MACROD2: variants seen among roughly 807,000 people sequenced by gnomAD.
MACROD2 encodes ADP-ribose glycohydrolase MACROD2.
In MACROD2, 36 loss-of-function variants were observed where a neutral mutation model predicts 70.4. The observed-to-expected ratio is 0.51, with a 90% CI of 0.39 to 0.68. The LOEUF is 0.68. Ranked by LOEUF, MACROD2 falls within the 30% of genes least tolerant of loss-of-function variation. The pLI is 0.00. For synonymous variants in MACROD2, 172 were observed against 178.8 expected (o/e 0.96, Z 0.30); for missense variants, 496 against 538.4 (o/e 0.92, Z 0.78).
intron 8 of MACROD2, among the ~76,000 whole-genome samples, chr20:15,813,621 T>A (rs1015980804): frequency 2.6e-5 from 4 of 152,014 alleles, no homozygotes; most frequent in Non-Finnish European, 5.9e-5. Flanking sequence ...CTATAAAAAA[T>A]ATTAAAAATT....
At chr20:15,999,105 T>C (rs1163178271) in intron 15 of MACROD2, among the ~76,000 whole-genome samples, 1 of 152,152 alleles carries the variant, frequency 6.6e-6, no homozygotes, top group Non-Finnish European at 1.5e-5. Context: ...GATATCTTTT[T>C]TTCTTAATGT....
At chr20:15,957,333 A>G (rs1028511720) in intron 12 of MACROD2, among the ~76,000 whole-genome samples, 12 of 152,206 alleles carry the variant, frequency 7.9e-5, no homozygotes, top group Non-Finnish European at 1.6e-4. Context: ...AAAAATTATG[A>G]ATGCAACTTT....
intron 8 of MACROD2, among the ~76,000 whole-genome samples, chr20:15,821,644 T>C (rs994655947): frequency 6.6e-6 from 1 of 152,222 alleles, no homozygotes; most frequent in Non-Finnish European, 1.5e-5. Flanking sequence ...GGATAGTGTG[T>C]CCGTATTGAC....
chr20:15,160,764 G>T lies in MACROD2; in HGVS notation c.419-69176G>T, dbSNP rs1364796101. Among the ~76,000 whole-genome samples, 3 of 151,970 alleles carry T rather than the reference G, an allele frequency of 2.0e-5. No individual in the cohort carries two copies. In the East Asian group the frequency reaches 5.8e-4, roughly 29 times the overall value. On this transcript the variant is annotated intron_variant, in intron 5 of 17. Transcript: ENST00000684519. ...TTTTTAAATATGTATTTGAAATTGG[G>T]TCCATTTTTTTCTGGATACATAAAT...
intron 8 of MACROD2, among the ~76,000 whole-genome samples, chr20:15,683,469 AT>A (rs1367811820): frequency 6.6e-6 from 1 of 152,234 alleles, no homozygotes; most frequent in African/African-American, 2.4e-5. Flanking sequence ...ATATAAAATT[AT>A]TGGAAAATTA....
At chr20:14,878,342 T>C (rs910812992) in intron 5 of MACROD2, among the ~76,000 whole-genome samples, 2 of 152,176 alleles carry the variant, frequency 1.3e-5, no homozygotes, top group Non-Finnish European at 2.9e-5. Context: ...CTGGAAATGC[T>C]ACATCTCCAT....
intron 6 of MACROD2, among the ~76,000 whole-genome samples, chr20:15,262,888 T>C (rs1422324168): frequency 6.6e-6 from 1 of 151,824 alleles, no homozygotes; most frequent in Non-Finnish European, 1.5e-5. Flanking sequence ...AGATTATTAG[T>C]TTTATTTTTC....
At chr20:15,143,265 A>C (rs1465503679) in intron 5 of MACROD2, among the ~76,000 whole-genome samples, 1 of 152,202 alleles carries the variant, frequency 6.6e-6, no homozygotes, top group Non-Finnish European at 1.5e-5. Context: ...ATGGCCAGTG[A>C]TGATGAGCAT....
At chr20:15,944,452 A>C (rs2065793613) in intron 12 of MACROD2, among the ~76,000 whole-genome samples, 1 of 151,994 alleles carries the variant, frequency 6.6e-6, no homozygotes, top group African/African-American at 2.4e-5. Context: ...TAAAAGTTTG[A>C]ACCTGTCTTT....
chr20:15,278,261 G>A lies in MACROD2; in HGVS notation c.540+48200G>A, dbSNP rs1466091273. Reference sequence around the variant, plus strand: ...GACTTAGGGATAGGTTATGAGGAAGGAGTAAAGGAAGAGGAATCCTCATTA... The same window carrying A: ...GACTTAGGGATAGGTTATGAGGAAGAAGTAAAGGAAGAGGAATCCTCATTA... On this transcript the variant is annotated intron_variant, in intron 6 of 17. Transcript: ENST00000684519. Among the ~76,000 whole-genome samples the A allele has an allele frequency of 2.6e-5, 4 of 152,192 alleles. No homozygotes were observed. In the East Asian group the frequency reaches 7.7e-4, roughly 29 times the overall value.
chr20:14,298,990 T>C (rs1221062209), intron 3 of MACROD2, among the ~76,000 whole-genome samples: 2 of 152,174 alleles, frequency 1.3e-5, no homozygotes, highest in Non-Finnish European at 2.9e-5. Flanking sequence ...GCTGTGAACA[T>C]TGTTGAAATA....
At chr20:14,113,508 C>A (rs1381217309) in intron 3 of MACROD2, among the ~76,000 whole-genome samples, 3 of 152,012 alleles carry the variant, frequency 2.0e-5, no homozygotes, top group African/African-American at 7.2e-5. Context: ...ACATAAATAG[C>A]TTGTTAGTGT....
chr20:15,140,123 G>A (rs1261510485), intron 5 of MACROD2, among the ~76,000 whole-genome samples: 1 of 152,128 alleles, frequency 6.6e-6, no homozygotes, highest in Admixed American at 6.5e-5. Flanking sequence ...ATTTTCTGTA[G>A]ATTTTACCCA....
At chr20:15,349,936 C>A (rs1211298394) in intron 6 of MACROD2, among the ~76,000 whole-genome samples, 1 of 152,118 alleles carries the variant, frequency 6.6e-6, no homozygotes, top group Admixed American at 6.6e-5. Context: ...CATTCCCCTG[C>A]AGCCACTCCC....
intron 5 of MACROD2, among the ~76,000 whole-genome samples, chr20:14,941,714 G>A (rs6043014): frequency 7.9e-5 from 12 of 151,872 alleles, no homozygotes; most frequent in Admixed American, 3.9e-4. Context: ...TTTCTAAGCC[G>A]CATTTTAGAA....
intron 8 of MACROD2, among the ~76,000 whole-genome samples, chr20:15,617,047 A>G (rs184539666): frequency 2.6e-5 from 4 of 152,294 alleles, no homozygotes; most frequent in Admixed American, 2.6e-4. Context: ...GTTCGAGACT[A>G]ATGTTCCATT....
chr20:15,410,225 C>T lies in MACROD2; in HGVS notation c.541-21180C>T, dbSNP rs1217869217. Among the ~76,000 whole-genome samples the T allele has an allele frequency of 2.0e-5, 3 of 152,144 alleles. No homozygotes were observed. The East Asian group carries it at 5.8e-4, about 29-fold the overall frequency. ...CAGCTGAATAAAAGCCTTACTCCAC[C>T]ACTCTCCAAACCCCAGAACTGTTGT... On this transcript the variant is annotated intron_variant, in intron 6 of 17. Transcript: ENST00000684519.
intron 5 of MACROD2, among the ~76,000 whole-genome samples, chr20:14,809,171 C>A (rs371844804): frequency 6.6e-6 from 1 of 151,996 alleles, no homozygotes. Flanking sequence ...TAAAATCAAC[C>A]GCATAATTGG....
At chr20:15,429,409 A>G (rs977966775) in intron 6 of MACROD2, among the ~76,000 whole-genome samples, 16 of 152,170 alleles carry the variant, frequency 1.1e-4, no homozygotes, top group African/African-American at 3.9e-4. Context: ...AGAATTCACT[A>G]TTAATAGTAA....
Sources: gnomAD v4.1 joint callset for allele counts (sites outside exome capture counted in the v4.1 genomes callset) on GRCh38, gnomAD v4.1.1 for gene constraint, MANE v1.5 for transcripts, NCBI Gene and HGNC (gene_info 2026-07-23, HGNC 2026-07-21) for gene names.